PRKN: variants seen among roughly 807,000 people sequenced by gnomAD.
PRKN encodes parkin RBR E3 ubiquitin protein ligase.
PRKN carries 56 observed loss-of-function variants against 59.5 expected under a neutral mutation model. That is an observed-to-expected ratio of 0.94 (90% CI 0.76 to 1.18). The LOEUF is 1.18. Ranked by LOEUF, PRKN falls within the 50% of genes most tolerant of loss-of-function variation. The pLI is 0.00. For synonymous variants in PRKN, 250 were observed against 222.1 expected, an observed-to-expected ratio of 1.13 and a Z score of -1.12; for missense variants, 657 against 596.4, an observed-to-expected ratio of 1.10 and a Z score of -1.06.
Position 161,499,141 on chromosome 6 carries a change from T to TC in PRKN, c.1083+49712_1083+49713insG. Among the ~76,000 whole-genome samples the TC allele has an allele frequency of 6.6e-6, 1 of 151,960 alleles. No individual in the cohort carries two copies. ...ACACACACACACACACATTTTTTTTTTTTTTTTGGCTCACAGAGTGCTTGA... is the reference window on the plus strand; with the variant it reads ...ACACACACACACACACATTTTTTTTTCTTTTTTTGGCTCACAGAGTGCTTGA... On this transcript the variant is annotated intron_variant, in intron 9 of 11. Transcript: ENST00000366898. The surrounding 1 kb of genome is among the most constrained non-coding windows in gnomAD (Gnocchi z 4.2).
At chr6:161,900,816 A>T (rs1350647452) in intron 6 of PRKN, among the ~76,000 whole-genome samples, 2 of 141,736 alleles carry the variant, frequency 1.4e-5, no homozygotes, top group African/African-American at 5.2e-5. Context: ...AATAATATGT[A>T]ATATATATTA....
chr6:162,254,293 T>C (rs760768986), intron 3 of PRKN, among the ~76,000 whole-genome samples: 2 of 151,618 alleles, frequency 1.3e-5, no homozygotes. Flanking sequence ...CCTGTCTCTA[T>C]TAAAAATACA....
intron 2 of PRKN, among the ~76,000 whole-genome samples, chr6:162,371,495 A>G (rs1221012856): frequency 6.6e-6 from 1 of 152,100 alleles, no homozygotes; most frequent in Non-Finnish European, 1.5e-5. Context: ...TACTGGGGTG[A>G]CCCTAAATAC....
chr6:161,577,799 G>A (rs920673016), intron 7 of PRKN, among the ~76,000 whole-genome samples: 1 of 152,142 alleles, frequency 6.6e-6, no homozygotes, highest in Admixed American at 6.5e-5. Flanking sequence ...TCCTTGCTGG[G>A]TCAGCTTCTA....
intron 1 of PRKN, among the ~76,000 whole-genome samples, chr6:162,656,597 G>T (rs1229171764): frequency 6.6e-6 from 1 of 152,156 alleles, no homozygotes; most frequent in African/African-American, 2.4e-5. Flanking sequence ...GCACATGAAT[G>T]CAAGTCTGTA....
intron 7 of PRKN, among the ~76,000 whole-genome samples, chr6:161,699,503 G>C (rs1786163270): frequency 6.6e-6 from 1 of 152,092 alleles, no homozygotes; most frequent in African/African-American, 2.4e-5. Flanking sequence ...AAAAAGGAAT[G>C]AACTATTCCA....
intron 2 of PRKN, among the ~76,000 whole-genome samples, chr6:162,340,362 A>G (rs1562685452): frequency 1.3e-5 from 2 of 152,198 alleles, no homozygotes; most frequent in Admixed American, 6.5e-5. Context: ...ATTGGATGAA[A>G]AAAGTGAACT....
At chr6:162,026,032 C>T (rs1053915887) in intron 5 of PRKN, among the ~76,000 whole-genome samples, 4 of 152,054 alleles carry the variant, frequency 2.6e-5, no homozygotes, top group African/African-American at 7.2e-5. Context: ...GACATGGGCT[C>T]GCAGGTCCTG....
intron 7 of PRKN, among the ~76,000 whole-genome samples, chr6:161,657,855 G>A (rs1784404925): frequency 6.6e-6 from 1 of 151,712 alleles, no homozygotes; most frequent in Admixed American, 6.6e-5. Context: ...GTGAAACCTT[G>A]TCTCTACTAA....
At chr6:162,705,216 T>TA (rs1178117030) in intron 1 of PRKN, among the ~76,000 whole-genome samples, 2 of 152,178 alleles carry the variant, frequency 1.3e-5, no homozygotes, top group Non-Finnish European at 2.9e-5. Context: ...GACCCTTTCT[T>TA]AGACTGCCTC....
rs568461531 is a variant in PRKN at position 161,432,382 on chromosome 6, G to A, written c.1084-45505C>T. Among the ~76,000 whole-genome samples the A allele has an allele frequency of 5.9e-4, 64 of 108,418 alleles. No homozygotes were observed. The South Asian group carries it at 6.5e-3, about 11-fold the overall frequency. The allele number at this position is 108,418 out of a possible 152,430, so 71.1% of individuals were successfully genotyped here. On this transcript the variant is annotated intron_variant, in intron 9 of 11. Transcript: ENST00000366898. The stretch of plus-strand genomic sequence containing the variant: ...TTTTTTTTTTTTTTTTTTTTTTTGA[G>A]ACGAAGTCTCACTCTTGTCATCCAG...
intron 3 of PRKN, among the ~76,000 whole-genome samples, chr6:162,220,724 C>T (rs1367932963): frequency 6.6e-6 from 1 of 152,180 alleles, no homozygotes; most frequent in Non-Finnish European, 1.5e-5. Flanking sequence ...ACAGAATGGT[C>T]TACTCATGGC....
At chr6:162,412,297 G>C (rs1278875783) in intron 2 of PRKN, among the ~76,000 whole-genome samples, 1 of 152,086 alleles carries the variant, frequency 6.6e-6, no homozygotes, top group Admixed American at 6.6e-5. Context: ...GGCATATCTA[G>C]AGCAAGGCTC....
intron 6 of PRKN, among the ~76,000 whole-genome samples, chr6:161,852,100 AAATT>A (rs1793462492): frequency 6.6e-6 from 1 of 151,360 alleles, no homozygotes; most frequent in South Asian, 2.1e-4. Context: ...AAAAAAAAAA[AAATT>A]AATTGTTACT....
At chr6:162,144,727 T>C (rs1275295266) in intron 4 of PRKN, among the ~76,000 whole-genome samples, 2 of 152,192 alleles carry the variant, frequency 1.3e-5, no homozygotes, top group African/African-American at 4.8e-5. Context: ...CACCAATTTT[T>C]AGCTTGGCAT....
At chr6:162,723,116 T>C (rs1778998691) in intron 1 of PRKN, among the ~76,000 whole-genome samples, 2 of 152,188 alleles carry the variant, frequency 1.3e-5, no homozygotes, top group African/African-American at 2.4e-5. Flanking sequence ...TGCAGATGTG[T>C]AGCCAAATGG....
At chr6:162,349,987 T>C (rs186667862) in intron 2 of PRKN, among the ~76,000 whole-genome samples, 2 of 152,310 alleles carry the variant, frequency 1.3e-5, no homozygotes, top group Admixed American at 1.3e-4. Flanking sequence ...AAGTACTAAG[T>C]GAGTTTAGCC....
At chr6:162,187,631 A>C (rs535734362) in intron 4 of PRKN, among the ~76,000 whole-genome samples, 1 of 152,166 alleles carries the variant, frequency 6.6e-6, no homozygotes, top group Non-Finnish European at 1.5e-5. Flanking sequence ...GAGACTGGAC[A>C]CTACTATGTA....
rs1019892292 is a variant in PRKN at position 161,379,305 on chromosome 6, G to A, written c.1167+7489C>T. On this transcript the variant is annotated intron_variant, in intron 10 of 11. Transcript: ENST00000366898. The surrounding 1 kb of genome is among the most constrained non-coding windows in gnomAD (Gnocchi z 4.9). The stretch of plus-strand genomic sequence containing the variant: ...CCACCTAGAGGTCTTCTCTAAGGGC[G>A]AGGGGAATCTAGAATGAGTAGGAGA... Among the ~76,000 whole-genome samples, 9 of 152,184 alleles carry A rather than the reference G, an allele frequency of 5.9e-5. No homozygotes were observed. Among genetic ancestry groups the A allele is most frequent in the Non-Finnish European group, 1.0e-4 (7 of 68,026 alleles).
Sources: allele counts gnomAD v4.1 joint callset (sites outside exome capture counted in the v4.1 genomes callset), GRCh38; gene constraint gnomAD v4.1.1; non-coding constraint Gnocchi (gnomAD v3.1); transcripts MANE v1.5; gene names NCBI Gene and HGNC (gene_info 2026-07-23, HGNC 2026-07-21).